The following PTPRM variants were observed in gnomAD, a reference collection of about 807,000 sequenced individuals.
The protein encoded by PTPRM is protein tyrosine phosphatase receptor type M.
PTPRM carries 47 observed loss-of-function variants against 186.7 expected under a neutral mutation model. The observed-to-expected ratio is 0.25, with a 90% CI of 0.20 to 0.32. The LOEUF (loss-of-function observed/expected upper bound fraction) is 0.32. Among genes scored for constraint, PTPRM ranks in the 10% least tolerant of loss-of-function variants. The pLI is 1.00. For synonymous variants in PTPRM, 668 were observed against 674.9 expected (o/e 0.99, Z 0.16); for missense variants, 1,494 against 1,865.0 (o/e 0.80, Z 3.66).
intron 3 of PTPRM, among the ~76,000 whole-genome samples, chr18:7,891,690 C>T (rs572416022): frequency 3.0e-4 from 45 of 152,166 alleles, no homozygotes; most frequent in Admixed American, 6.5e-4. Flanking sequence ...GCCTGGTCAA[C>T]ATGGTGAAAC....
At chr18:7,773,261 A>G (rs943629043) in intron 1 of PTPRM, among the ~76,000 whole-genome samples, 1 of 152,188 alleles carries the variant, frequency 6.6e-6, no homozygotes, top group African/African-American at 2.4e-5. Context: ...TCATATCTCC[A>G]AAGTATTAAA....
chr18:7,776,283 TGTTTTG>T, intron 2 of PTPRM, among the ~76,000 whole-genome samples: 1 of 152,254 alleles, frequency 6.6e-6, no homozygotes, highest in Admixed American at 6.5e-5. Context: ...ACAGAAGGTG[TGTTTTG>T]GACCCTCACC....
At position 8,406,770 on chromosome 18, in the gene PTPRM, A is replaced by T. The variant is rs1015318271; in HGVS notation, c.*608A>T. ...AATGCAAAACTCAACGATCAGATTCACGGACCCAGAGCTTTTCCATGTGTT... is the reference window on the plus strand; with the variant it reads ...AATGCAAAACTCAACGATCAGATTCTCGGACCCAGAGCTTTTCCATGTGTT... On this transcript the variant is annotated 3_prime_UTR_variant, in exon 33 of 33. Transcript: ENST00000580170. 4 of 152,270 alleles carry T rather than the reference A, an allele frequency of 2.6e-5. No individual in the cohort carries two copies. The highest frequency in any genetic ancestry group is 5.9e-5 in the Non-Finnish European group (4 of 68,062). The allele number at this position is 152,270 out of a possible 1,614,324, so 9.4% of individuals were successfully genotyped here.
chr18:7,836,177 T>C (rs1312142559), intron 2 of PTPRM, among the ~76,000 whole-genome samples: 1 of 152,138 alleles, frequency 6.6e-6, no homozygotes, highest in Non-Finnish European at 1.5e-5. Flanking sequence ...CTTATTTCTT[T>C]TCTTCCTGTC....
intron 14 of PTPRM, among the ~76,000 whole-genome samples, chr18:8,211,946 G>T (rs12966642): frequency 0.27 from 40,755 of 151,958 alleles, 5,649 homozygotes; most frequent in Middle Eastern, 0.5. Context: ...GAGTGGACTC[G>T]GTGCAGGGCT....
rs2051495191 is a variant in PTPRM, at chr18:7,931,683, AT to A, written c.663+5001del. ...GCCACTGCACTCCGTCTCAAAAAAAATAAATAAAAATAAATAAATAATTTTT... is the reference window on the plus strand; with the variant it reads ...GCCACTGCACTCCGTCTCAAAAAAAAAAATAAAAATAAATAAATAATTTTT... On this transcript the variant is annotated intron_variant, in intron 5 of 32. Coordinates refer to ENST00000580170, the MANE Select transcript of PTPRM (RefSeq NM_001105244.2). Among the ~76,000 whole-genome samples the A allele has an allele frequency of 3.3e-5, 5 of 152,242 alleles. No individual in the cohort carries two copies. The South Asian group carries it at 1.0e-3, about 31-fold the overall frequency.
chr18:7,740,861 T>C (rs1196928263), intron 1 of PTPRM, among the ~76,000 whole-genome samples: 1 of 152,224 alleles, frequency 6.6e-6, no homozygotes, highest in East Asian at 1.9e-4. Flanking sequence ...TGGGTTATAG[T>C]GTCCAGTGTG....
chr18:8,043,861 A>G (rs924088446), intron 7 of PTPRM, among the ~76,000 whole-genome samples: 14 of 152,168 alleles, frequency 9.2e-5, no homozygotes, highest in African/African-American at 3.4e-4. Flanking sequence ...AGTCAGGGAA[A>G]TGAAAAATTA....
chr18:7,852,690 T>TA (rs928763985), intron 2 of PTPRM, among the ~76,000 whole-genome samples: 26 of 150,298 alleles, frequency 1.7e-4, no homozygotes, highest in African/African-American at 5.9e-4. Flanking sequence ...CTCTCAAAAA[T>TA]AAAAAAAAGA....
chr18:7,660,050 G>A (rs1459583292), intron 1 of PTPRM, among the ~76,000 whole-genome samples: 1 of 152,130 alleles, frequency 6.6e-6, no homozygotes, highest in African/African-American at 2.4e-5. Context: ...CCATAATGTA[G>A]CATTTTCTGG....
intron 23 of PTPRM, among the ~76,000 whole-genome samples, chr18:8,349,712 A>G (rs1031169104): frequency 7.9e-5 from 12 of 152,194 alleles, no homozygotes; most frequent in African/African-American, 2.9e-4. Context: ...CCCAGTACCT[A>G]TTCTTATCAT....
At chr18:7,808,672 A>G (rs1458281714) in intron 2 of PTPRM, among the ~76,000 whole-genome samples, 4 of 152,214 alleles carry the variant, frequency 2.6e-5, no homozygotes, top group Non-Finnish European at 5.9e-5. Context: ...TGAACTGTTG[A>G]AGTTACATAT....
chr18:8,307,581 A>G (rs1377239159), intron 20 of PTPRM, among the ~76,000 whole-genome samples: 1 of 152,190 alleles, frequency 6.6e-6, no homozygotes, highest in Non-Finnish European at 1.5e-5. Context: ...AGGCAGGCAG[A>G]TCACCTGAGG....
intron 6 of PTPRM, among the ~76,000 whole-genome samples, chr18:7,951,912 T>A (rs1248740622): frequency 6.6e-6 from 1 of 152,154 alleles, no homozygotes; most frequent in Non-Finnish European, 1.5e-5. Context: ...GAAACTAAAG[T>A]CCATAGAGTT....
chr18:8,068,325 A>G (rs2089232811), intron 7 of PTPRM, among the ~76,000 whole-genome samples: 1 of 152,184 alleles, frequency 6.6e-6, no homozygotes, highest in Non-Finnish European at 1.5e-5. Flanking sequence ...CAAATGACCT[A>G]TGGGTGTATA....
intron 13 of PTPRM, among the ~76,000 whole-genome samples, chr18:8,140,259 C>T (rs1435239920): frequency 6.6e-6 from 1 of 152,046 alleles, no homozygotes; most frequent in African/African-American, 2.4e-5. Flanking sequence ...TTTGTGCAGC[C>T]AGTTCAGTAG....
chr18:7,663,175 A>G (rs970976955), intron 1 of PTPRM, among the ~76,000 whole-genome samples: 3 of 152,208 alleles, frequency 2.0e-5, no homozygotes, highest in African/African-American at 7.2e-5. Context: ...CCCCCAGGCC[A>G]TGGACATAAG....
At chr18:8,246,762 C>T (rs1009916167) in intron 15 of PTPRM, among the ~76,000 whole-genome samples, 5 of 152,138 alleles carry the variant, frequency 3.3e-5, no homozygotes, top group African/African-American at 1.2e-4. Flanking sequence ...AGCCTGAGTT[C>T]TGGTCTTTGT....
At position 8,319,500 on chromosome 18, in the gene PTPRM, G is replaced by A. The variant is rs370909189; in HGVS notation, c.2956+286G>A. Among the ~76,000 whole-genome samples, 3 of 152,304 alleles carry A rather than the reference G, an allele frequency of 2.0e-5. No homozygotes were observed. In the East Asian group the frequency reaches 5.8e-4, roughly 29 times the overall value. ...ATTTGCAAAAGTAGATGTATAGATA[G>A]CCATTCCATCAATATACACCAGCTG... On this transcript the variant is annotated intron_variant, in intron 22 of 32. Transcript: ENST00000580170.
Sources: allele counts gnomAD v4.1 joint callset (sites outside exome capture counted in the v4.1 genomes callset), GRCh38; gene constraint gnomAD v4.1.1; transcripts MANE v1.5; gene names NCBI Gene and HGNC (gene_info 2026-07-23, HGNC 2026-07-21).